MAGI1: variants seen among roughly 807,000 people sequenced by gnomAD.
MAGI1 encodes membrane associated guanylate kinase, WW and PDZ domain containing 1.
In MAGI1, 58 loss-of-function variants were observed where a neutral mutation model predicts 139.9. The observed-to-expected ratio is 0.41, with a 90% confidence interval of 0.34 to 0.52. The LOEUF is 0.52. Ranked by LOEUF, MAGI1 falls within the 20% of genes least tolerant of loss-of-function variation. The pLI, the probability that MAGI1 is intolerant of heterozygous loss-of-function variation, is 0.12. For missense variants in MAGI1, 1,874 were observed against 1,901.6 expected, an observed-to-expected ratio of 0.99 and a Z score of 0.27; for synonymous variants, 812 against 737.9, an observed-to-expected ratio of 1.10 and a Z score of -1.63.
intron 1 of MAGI1, among the ~76,000 whole-genome samples, chr3:65,700,905 G>A (rs1033165502): frequency 2.0e-5 from 3 of 152,090 alleles, no homozygotes; most frequent in African/African-American, 7.2e-5. Context: ...CAGCTCTTCA[G>A]GTCACCAACA....
At chr3:65,700,470 T>TAAATA (rs1245983270) in intron 1 of MAGI1, among the ~76,000 whole-genome samples, 7 of 150,064 alleles carry the variant, frequency 4.7e-5, no homozygotes, top group African/African-American at 1.5e-4. Flanking sequence ...AATAAATAAA[T>TAAATA]AATAATAATA....
intron 1 of MAGI1, among the ~76,000 whole-genome samples, chr3:65,942,149 C>G (rs935629126): frequency 6.6e-6 from 1 of 151,856 alleles, no homozygotes; most frequent in Non-Finnish European, 1.5e-5. Flanking sequence ...TACCACACAG[C>G]ATGTTGCTAT....
At chr3:65,379,652 C>G (rs1435464892) in intron 16 of MAGI1, 98 bp from the exon 17 acceptor site, 1 of 1,526,056 alleles carries the variant, frequency 6.6e-7, no homozygotes, top group Non-Finnish European at 8.8e-7. Context: ...GAAATCAAAA[C>G]GTGAACCGAG....
chr3:65,414,772 G>A (rs1317291778), intron 12 of MAGI1, among the ~76,000 whole-genome samples: 6 of 151,518 alleles, frequency 4.0e-5, no homozygotes, highest in South Asian at 4.2e-4. Flanking sequence ...GGTGGTTCAC[G>A]CCTGTAATCC....
intron 13 of MAGI1, among the ~76,000 whole-genome samples, chr3:65,400,750 A>ATTTTTTTTTTTTTTTTT (rs767598706): frequency 3.3e-5 from 2 of 60,600 alleles, no homozygotes; most frequent in African/African-American, 1.3e-4. Flanking sequence ...CAAAACATTG[A>ATTTTTTTTTTTTTTTTT]TTTTTTTTTT....
intron 1 of MAGI1, among the ~76,000 whole-genome samples, chr3:65,964,631 G>A (rs1560062049): frequency 6.6e-6 from 1 of 152,166 alleles, no homozygotes; most frequent in Non-Finnish European, 1.5e-5. Context: ...TCTTTTCAAG[G>A]CAGGGCTATC....
intron 1 of MAGI1, among the ~76,000 whole-genome samples, chr3:65,910,855 CTTTTT>C (rs397989928): frequency 5.0e-5 from 3 of 59,484 alleles, no homozygotes; most frequent in South Asian, 1.8e-3. Context: ...ACATGGTGGA[CTTTTT>C]TTTTTTTTTT....
chr3:65,626,816 C>T (rs920089350), intron 1 of MAGI1, among the ~76,000 whole-genome samples: 1 of 152,202 alleles, frequency 6.6e-6, no homozygotes, highest in Non-Finnish European at 1.5e-5. Context: ...AAAGTCTCAA[C>T]CTTCACATTC....
rs140105047 is a variant in MAGI1, at chr3:65,614,999, G to C, written c.430+6973C>G. Among the ~76,000 whole-genome samples the C allele has an allele frequency of 1.5e-3, 220 of 150,248 alleles. 1 individual carries two copies. Among genetic ancestry groups the C allele is most frequent in the African/African-American group, 5.1e-3 (209 of 40,862 alleles). On this transcript the variant is annotated intron_variant, in intron 2 of 22. Coordinates refer to ENST00000402939, the MANE Select transcript of MAGI1 (RefSeq NM_001033057.2). ...ATCATGCCACTGTACCCCAGCCTGG[G>C]AGACAGAGTGAGACTGTGTCTCCAA...
intron 1 of MAGI1, among the ~76,000 whole-genome samples, chr3:65,935,417 A>G (rs1247865555): frequency 1.3e-5 from 2 of 152,180 alleles, no homozygotes; most frequent in Admixed American, 1.3e-4. Context: ...GCAGGAGTTC[A>G]TGATCAGCCT....
rs2069053200 is a variant in MAGI1, at chr3:66,038,286, T to C, written c.23A>G (p.Lys8Arg). 8 of 1,594,292 alleles carry C rather than the reference T, an allele frequency of 5.0e-6. No homozygotes were observed. In the East Asian group the frequency reaches 1.8e-4, roughly 36 times the overall value. Residue 8 changes from lysine (K) to arginine (R), a missense_variant, in exon 1 of 23, where the codon AAG (lysine) becomes AGG (arginine). Physicochemically the swap from Lys to Arg is conservative, Grantham distance 26. Transcript: ENST00000402939. ...GTGAACCCTGCTAGTCCAGTGGTTC[T>C]TCTTCTGGATCACTTTGGACATGAT... Reference protein sequence around the residue: MSKVIQKKNHWTSRVHEC... With the variant: MSKVIQKRNHWTSRVHEC...
chr3:65,624,656 A>G (rs1372775064), intron 1 of MAGI1, among the ~76,000 whole-genome samples: 1 of 152,210 alleles, frequency 6.6e-6, no homozygotes, highest in African/African-American at 2.4e-5. Context: ...AACTGACTGC[A>G]AAGGGCATAA....
chr3:65,785,981 G>C (rs2039346573), intron 1 of MAGI1, among the ~76,000 whole-genome samples: 1 of 150,902 alleles, frequency 6.6e-6, no homozygotes, highest in Non-Finnish European at 1.5e-5. Context: ...CTGTCACTCA[G>C]GCTGGAGTGC....
intron 1 of MAGI1, among the ~76,000 whole-genome samples, chr3:65,886,339 G>T (rs1244817735): frequency 2.0e-5 from 3 of 151,952 alleles, no homozygotes; most frequent in Admixed American, 6.6e-5. Flanking sequence ...TTTTCATTTG[G>T]TACATCAAAG....
At chr3:65,580,909 G>A in intron 2 of MAGI1, among the ~76,000 whole-genome samples, 1 of 152,088 alleles carries the variant, frequency 6.6e-6, no homozygotes, top group Non-Finnish European at 1.5e-5. Context: ...AAAATACCCA[G>A]AGTTAAACAA....
rs1289675503 is a variant in MAGI1 at position 65,381,894 on chromosome 3, C to A, written c.2684G>T (p.Arg895Leu). Residue 895 changes from arginine (R) to leucine (L), a missense_variant, in exon 16 of 23, where the codon CGT becomes CTT. Coordinates refer to ENST00000402939, the MANE Select transcript of MAGI1 (RefSeq NM_001033057.2). The part of the protein sequence containing the change: ...KQGHVNLTVR[R>L]KVVFAVPKTE... ...ATACATACCCGCAAAAACCACTTTACGCCGCACCGTGAGATTGACGTGGCC... is the reference window on the plus strand; with the variant it reads ...ATACATACCCGCAAAAACCACTTTAAGCCGCACCGTGAGATTGACGTGGCC... The A allele has an allele frequency of 1.2e-6, 2 of 1,612,642 alleles. No individual in the cohort carries two copies. Among genetic ancestry groups the A allele is most frequent in the Non-Finnish European group, 1.7e-6 (2 of 1,179,306 alleles).
At position 65,361,251 on chromosome 3, in the gene MAGI1, G is replaced by A. The variant is rs1940827687; in HGVS notation, c.3582C>T (p.Gly1194=). The A allele has an allele frequency of 6.2e-7, 1 of 1,614,028 alleles. No homozygotes were observed. Among genetic ancestry groups the A allele is most frequent in the South Asian group, 1.1e-5 (1 of 91,080 alleles). ...GCTTCAGAAACAGACGAACTCTGCG[G>A]CCACCATTCTTAATCAGTTCTATAG... is the stretch of plus-strand genomic sequence containing the variant. The part of the protein sequence containing the change: ...SRAIELIKNG[G]RRVRLFLKRG... Residue 1194 remains glycine, a synonymous_variant, in exon 22 of 23, where the codon GGC becomes GGT. Transcript: ENST00000402939.
intron 18 of MAGI1, among the ~76,000 whole-genome samples, chr3:65,373,438 T>C (rs1363125647): frequency 6.6e-6 from 1 of 152,126 alleles, no homozygotes; most frequent in Non-Finnish European, 1.5e-5. Flanking sequence ...TAATTAATAC[T>C]AATAAAACTT....
intron 3 of MAGI1, among the ~76,000 whole-genome samples, chr3:65,485,427 C>CCT (rs1951564749): frequency 6.6e-6 from 1 of 152,006 alleles, no homozygotes; most frequent in South Asian, 2.1e-4. Flanking sequence ...AGGTAAGGGA[C>CCT]CTCTCTCTCT....
Sources: gnomAD v4.1 joint callset for allele counts (sites outside exome capture counted in the v4.1 genomes callset) on GRCh38, gnomAD v4.1.1 for gene constraint, MANE v1.5 for transcripts, NCBI Gene and HGNC (gene_info 2026-07-23, HGNC 2026-07-21) for gene names.